The following IGF2 variants were observed in gnomAD, a reference collection of about 807,000 sequenced individuals.
IGF2 encodes the protein insulin-like growth factor 2.
Under a neutral mutation model 12.0 loss-of-function variants are expected in IGF2, and 2 were observed. That is an observed-to-expected ratio of 0.17 (90% CI 0.07 to 0.52). IGF2 has a LOEUF of 0.52. Among genes scored for constraint, IGF2 ranks in the 20% least tolerant of loss-of-function variants. IGF2 has a pLI of 0.95. For synonymous variants in IGF2, 105 were observed against 110.1 expected, an observed-to-expected ratio of 0.95 and a Z score of 0.29; for missense variants, 211 against 268.0, an observed-to-expected ratio of 0.79 and a Z score of 1.48.
chr11:2,134,451 AAG>A (rs1213882616), intron 2 of IGF2, among the ~76,000 whole-genome samples: 1 of 152,240 alleles, frequency 6.6e-6, no homozygotes, highest in Non-Finnish European at 1.5e-5. Flanking sequence ...TGGGGCAGGC[AAG>A]AGAGAGGGCA....
chr11:2,138,151 G>A (rs867940964), intron 1 of IGF2, 78 bp downstream of exon 1: 6 of 895,692 alleles, frequency 6.7e-6, no homozygotes, highest in Middle Eastern at 5.6e-4. Flanking sequence ...GGGAGCGGGC[G>A]GAGGAAGGGC....
chr11:2,147,849 A>G, the IGF2 span: 1 of 1,219,244 alleles, frequency 8.2e-7, no homozygotes, highest in Non-Finnish European at 1.0e-6. The surrounding 1 kb of genome is among the most constrained non-coding windows in gnomAD (Gnocchi z 7.2). Context: ...GACCTCTTTT[A>G]AAAGCAAAGC....
rs972572597 is a variant in IGF2 at position 2,132,892 on chromosome 11, G to A, written c.*95C>T. 3.9e-5 allele frequency: 34 copies of A among 882,808 alleles called. No homozygotes were observed. In the Middle Eastern group the frequency reaches 9.4e-4, roughly 24 times the overall value. The allele number at this position is 882,808 out of a possible 1,614,324, so 54.7% of individuals were successfully genotyped here. On this transcript the variant is annotated 3_prime_UTR_variant, in exon 4 of 4. Coordinates refer to ENST00000416167, the MANE Select transcript of IGF2 (RefSeq NM_000612.6). ...AGAAGCCCCAGGGGGACGTGGAACC[G>A]AGAGATTTTCGGGATGGAACCTGAT...
At chr11:2,144,530 CG>C (rs1194363836), upstream of IGF2, among the ~76,000 whole-genome samples, 1 of 152,142 alleles carries the variant, frequency 6.6e-6, no homozygotes, top group Non-Finnish European at 1.5e-5. Flanking sequence ...ACACGGGGCC[CG>C]GGAGGAGGGG....
Position 2,133,642 on chromosome 11 carries a change from G to A in IGF2, c.181C>T (p.Arg61Cys). The A allele has an allele frequency of 6.2e-7, 1 of 1,612,996 alleles. No individual in the cohort carries two copies. The highest frequency in any genetic ancestry group is 1.3e-5 in the African/African-American group (1 of 75,032). Residue 61 changes from arginine (R) to cysteine (C), a missense_variant, in exon 3 of 4, where the codon CGT (arginine) becomes TGT (cysteine). Transcript: ENST00000416167. This position sits in a 1 kb window ranked among gnomAD's most constrained non-coding sequence, Gnocchi z 8.9. ...YFSRPASRVS[R>C]RSRGIVEECC... The stretch of plus-strand genomic sequence containing the variant: ...TCCTCAACGATGCCACGGCTGCGAC[G>A]GCTCACACGGCTTGCGGGCCTGCCT...
At chr11:2,134,906 G>C (rs997180058) in intron 2 of IGF2, among the ~76,000 whole-genome samples, 2 of 152,238 alleles carry the variant, frequency 1.3e-5, no homozygotes, top group Non-Finnish European at 2.9e-5. Flanking sequence ...AACTGCACTT[G>C]TCTTATTGAT....
chr11:2,133,284 C>T lies in IGF2; in HGVS notation c.307-61G>A. Reference sequence around the variant, plus strand: ...TCTCCACGCTCTTCCGCCTGAGCCGCCCGCCTGACCTGACAGGCCACCCCT... The same window carrying T: ...TCTCCACGCTCTTCCGCCTGAGCCGTCCGCCTGACCTGACAGGCCACCCCT... On this transcript the variant is annotated intron_variant, in intron 3 of 3. Transcript: ENST00000416167. The surrounding 1 kb of genome is among the most constrained non-coding windows in gnomAD (Gnocchi z 8.9). The T allele has an allele frequency of 1.6e-6, 2 of 1,241,078 alleles. No individual in the cohort carries two copies. The highest frequency in any genetic ancestry group is 1.5e-5 in the African/African-American group (1 of 66,160). The allele number at this position is 1,241,078 out of a possible 1,614,324, so 76.9% of individuals were successfully genotyped here.
chr11:2,133,693 C>A lies in IGF2; in HGVS notation c.158-28G>T, dbSNP rs373002687. 5 of 1,611,166 alleles carry A rather than the reference C, an allele frequency of 3.1e-6. No individual in the cohort carries two copies. The highest frequency in any genetic ancestry group is 4.2e-6 in the Non-Finnish European group (5 of 1,179,416). ...GGAAGTCCCACAGCACAGAGAGAGC[C>A]GTGTTAGCACCGCACTGACCCCAGC... On this transcript the variant is annotated intron_variant, in intron 2 of 3. Transcript: ENST00000416167. The surrounding 1 kb of genome is among the most constrained non-coding windows in gnomAD (Gnocchi z 8.9).
chr11:2,144,449 C>A (rs1487140375), upstream of IGF2, among the ~76,000 whole-genome samples: 1 of 152,216 alleles, frequency 6.6e-6, no homozygotes, highest in African/African-American at 2.4e-5. Context: ...TTCGCCAGCA[C>A]CAAACAAGGG....
the IGF2 span, chr11:2,149,181 C>G: frequency 6.2e-7 from 1 of 1,613,426 alleles, no homozygotes; most frequent in Admixed American, 1.7e-5. Flanking sequence ...ATAAAGAGGA[C>G]CGGGGAGTCA....
chr11:2,139,608 G>A (rs1376566729), upstream of IGF2, among the ~76,000 whole-genome samples: 3 of 148,804 alleles, frequency 2.0e-5, no homozygotes, highest in African/African-American at 7.3e-5. Context: ...GGGGCTGGGG[G>A]GTGCGCGGGG....
intron 1 of IGF2, chr11:2,137,108 CGTGGG>C: frequency 2.3e-6 from 1 of 440,828 alleles, no homozygotes; most frequent in Non-Finnish European, 3.0e-6. Context: ...GAGGCCCAGG[CGTGGG>C]CCGTGCCCCC....
rs1311725264 is a variant in IGF2 at position 2,138,648 on chromosome 11, CAGAA to C, written c.-430_-427del. ...CGGGAGAGAACAGCACGGAGAGAAA[CAGAA>C]AGCGTGTAATTAATCCACTTTGGTT... On this transcript the variant is annotated 5_prime_UTR_variant, in exon 1 of 4. Transcript: ENST00000416167. The C allele has an allele frequency of 1.3e-5, 13 of 974,494 alleles. No individual in the cohort carries two copies. The highest frequency in any genetic ancestry group is 4.8e-5 in the South Asian group (1 of 20,840). The allele number at this position is 974,494 out of a possible 1,614,324, so 60.4% of individuals were successfully genotyped here. A position where few individuals can be genotyped will look rare whatever the true frequency, so the allele number is the denominator to read the frequency against.
upstream of IGF2, chr11:2,140,163 CTAAG>C: frequency 6.2e-7 from 1 of 1,613,378 alleles, no homozygotes; most frequent in Non-Finnish European, 8.5e-7. Context: ...CGGGGTGCGT[CTAAG>C]TAGCTCGCCT....
chr11:2,138,656 G>C lies in IGF2; in HGVS notation c.-434C>G, dbSNP rs1859286203. 1.0e-6 allele frequency: 1 copy of C among 977,140 alleles called. No individual in the cohort carries two copies. The highest frequency in any genetic ancestry group is 1.2e-6 in the Non-Finnish European group (1 of 827,628). 60.5% of individuals were successfully genotyped at this position (977,140 alleles called of 1,614,324 possible). On this transcript the variant is annotated 5_prime_UTR_variant, in exon 1 of 4. Coordinates refer to ENST00000416167, the MANE Select transcript of IGF2 (RefSeq NM_000612.6). ...AACAGCACGGAGAGAAACAGAAAGC[G>C]TGTAATTAATCCACTTTGGTTCGGC...
rs1164780188 is a variant in IGF2, at chr11:2,132,648, G to T, written c.*339C>A. 3 of 164,212 alleles carry T rather than the reference G, an allele frequency of 1.8e-5. No homozygotes were observed. The highest frequency in any genetic ancestry group is 1.1e-4 in the African/African-American group (3 of 28,390). 10.2% of individuals were successfully genotyped at this position (164,212 alleles called of 1,614,324 possible). On this transcript the variant is annotated 3_prime_UTR_variant, in exon 4 of 4. Transcript: ENST00000416167. ...TCTAAAAAGCCAATTAGTTTTAAGAGGGTTGTTGTGGGGGGGGGGGAAGGG... is the reference window on the plus strand; with the variant it reads ...TCTAAAAAGCCAATTAGTTTTAAGATGGTTGTTGTGGGGGGGGGGGAAGGG...
At chr11:2,149,340 C>G in the IGF2 span, 1 of 1,611,108 alleles carries the variant, frequency 6.2e-7, no homozygotes, top group South Asian at 1.1e-5. Flanking sequence ...AGGGACAAAG[C>G]TGAGGCTGGA....
upstream of IGF2, among the ~76,000 whole-genome samples, chr11:2,143,381 G>A (rs948626077): frequency 2.0e-5 from 3 of 152,074 alleles, no homozygotes; most frequent in Non-Finnish European, 4.4e-5. Context: ...GGAATGGGGC[G>A]GACGTGTGCC....
upstream of IGF2, among the ~76,000 whole-genome samples, chr11:2,142,421 G>C (rs548813810): frequency 2.6e-5 from 4 of 152,130 alleles, no homozygotes; most frequent in Admixed American, 6.5e-5. The surrounding 1 kb of genome is among the most constrained non-coding windows in gnomAD (Gnocchi z 5.7). Flanking sequence ...TAGGACTTAG[G>C]AATTTTCAGA....
Sources: allele counts gnomAD v4.1 joint callset (sites outside exome capture counted in the v4.1 genomes callset), GRCh38; gene constraint gnomAD v4.1.1; non-coding constraint Gnocchi (gnomAD v3.1); transcripts MANE v1.5; gene names NCBI Gene and HGNC (gene_info 2026-07-23, HGNC 2026-07-21).